Variants in PTPN14 observed in about 807,000 individuals in gnomAD.
PTPN14 encodes the protein tyrosine-protein phosphatase non-receptor type 14.
A neutral mutation model predicts 126.8 loss-of-function variants in PTPN14; 53 were observed. The ratio of observed to expected loss-of-function variants is 0.42; its 90% confidence interval spans 0.34 to 0.53. The LOEUF (loss-of-function observed/expected upper bound fraction) is 0.53. Ranked by LOEUF, PTPN14 falls within the 20% of genes least tolerant of loss-of-function variation. The pLI, the probability that PTPN14 is intolerant of heterozygous loss-of-function variation, is 0.08. For synonymous variants in PTPN14, 630 were observed against 599.3 expected (o/e 1.05, Z -0.75); for missense variants, 1,257 against 1,552.9 (o/e 0.81, Z 3.20).
intron 2 of PTPN14, among the ~76,000 whole-genome samples, chr1:214,459,973 C>T (rs1289760986): frequency 1.3e-5 from 2 of 152,190 alleles, no homozygotes; most frequent in Admixed American, 1.3e-4. Context: ...TCTTTTACTA[C>T]AGAATTGAGG....
At chr1:214,431,016 T>C (rs557327488) in intron 3 of PTPN14, among the ~76,000 whole-genome samples, 1 of 152,294 alleles carries the variant, frequency 6.6e-6, no homozygotes, top group African/African-American at 2.4e-5. Flanking sequence ...AAAGGAGGCT[T>C]CTAAGGCAAG....
chr1:214,434,724 A>G (rs1469057121), intron 3 of PTPN14, among the ~76,000 whole-genome samples: 3 of 152,054 alleles, frequency 2.0e-5, no homozygotes, highest in East Asian at 1.9e-4. Context: ...AGTGTTGAGG[A>G]CCCAGAGAAA....
At chr1:214,505,299 C>A (rs1283886795) in intron 1 of PTPN14, among the ~76,000 whole-genome samples, 1 of 152,012 alleles carries the variant, frequency 6.6e-6, no homozygotes, top group Non-Finnish European at 1.5e-5. Flanking sequence ...AAAGGGAACA[C>A]CCAGGGAAGC....
At chr1:214,535,400 T>C (rs1655678732) in intron 1 of PTPN14, among the ~76,000 whole-genome samples, 1 of 152,202 alleles carries the variant, frequency 6.6e-6, no homozygotes, top group Non-Finnish European at 1.5e-5. Flanking sequence ...ACCTTTCACA[T>C]GTACGATTTA....
At chr1:214,516,256 T>A (rs1571638538) in intron 1 of PTPN14, among the ~76,000 whole-genome samples, 1 of 152,152 alleles carries the variant, frequency 6.6e-6, no homozygotes, top group South Asian at 2.1e-4. Context: ...ATTGAAGGGG[T>A]AGGAATAATT....
rs1660281643 is a variant in PTPN14, at chr1:214,451,980, T to C, written c.175-6A>G. On this transcript the variant is annotated splice_polypyrimidine_tract_variant and splice_region_variant and intron_variant, in intron 2 of 18. Transcript: ENST00000366956. The stretch of plus-strand genomic sequence containing the variant: ...CAAAGGCCAAAGTAGTGCGTCTAGA[T>C]AAAAGGGTAAAATAGCATCAGTTCA... 4 of 1,611,736 alleles carry C rather than the reference T, an allele frequency of 2.5e-6. No homozygotes were observed. Among genetic ancestry groups the C allele is most frequent in the East Asian group, 2.2e-5 (1 of 44,862 alleles).
rs556849815 is a variant in PTPN14, at chr1:214,513,428, G to A, written c.-155+37755C>T. Among the ~76,000 whole-genome samples, 4 of 145,560 alleles carry A rather than the reference G, an allele frequency of 2.7e-5. No individual in the cohort carries two copies. The South Asian group carries it at 8.6e-4, about 31-fold the overall frequency. On this transcript the variant is annotated intron_variant, in intron 1 of 18. Coordinates refer to ENST00000366956, the MANE Select transcript of PTPN14 (RefSeq NM_005401.5). Reference sequence around the variant, plus strand: ...TCAAAATATCTCACATAAAAATACTGATTTCCATTAGTTCTTCAAAAAAAA... The same window carrying A: ...TCAAAATATCTCACATAAAAATACTAATTTCCATTAGTTCTTCAAAAAAAA...
intron 3 of PTPN14, among the ~76,000 whole-genome samples, chr1:214,438,662 C>A (rs7529722): frequency 0.059 from 8,942 of 152,064 alleles, 310 homozygotes; most frequent in South Asian, 0.15. Context: ...ATGTACGAAG[C>A]CTCACAGTGG....
In PTPN14 at chr1:214,431,080, G is replaced by C. The variant is rs1240049012; in HGVS notation, c.345-16354C>G. ...AGTACTGCAAAGAGCAGAGGAAGAA[G>C]TGAGAAACCCAGGGTGTCCAGAGAC... On this transcript the variant is annotated intron_variant, in intron 3 of 18. Transcript: ENST00000366956. 2.0e-5 allele frequency among the ~76,000 whole-genome samples: 3 copies of C among 152,216 alleles called. No homozygotes were observed. The East Asian group carries it at 5.8e-4, about 29-fold the overall frequency.
intron 11 of PTPN14, 108 bp downstream of exon 11, chr1:214,390,880 C>A (rs1658733936): frequency 2.1e-6 from 2 of 933,514 alleles, no homozygotes; most frequent in Admixed American, 6.3e-5. Context: ...TCTGTGTTCT[C>A]ACAAAATTTC....
intron 1 of PTPN14, among the ~76,000 whole-genome samples, chr1:214,512,775 T>C (rs988777725): frequency 3.9e-5 from 6 of 152,116 alleles, no homozygotes; most frequent in African/African-American, 1.4e-4. Flanking sequence ...CACTGCAACC[T>C]CTCTCTCCAG....
At chr1:214,373,915 G>A (rs1346569623) in intron 15 of PTPN14, among the ~76,000 whole-genome samples, 6 of 152,160 alleles carry the variant, frequency 3.9e-5, no homozygotes, top group Admixed American at 3.9e-4. Context: ...CTACAGTCAT[G>A]ACATGACTTT....
At chr1:214,425,353 A>T (rs1034775077) in intron 3 of PTPN14, among the ~76,000 whole-genome samples, 2 of 152,038 alleles carry the variant, frequency 1.3e-5, no homozygotes, top group African/African-American at 4.8e-5. Context: ...AATCACCTAC[A>T]CTCTAGGTAT....
intron 1 of PTPN14, among the ~76,000 whole-genome samples, chr1:214,518,046 C>T (rs928599667): frequency 6.6e-6 from 1 of 152,108 alleles, no homozygotes; most frequent in East Asian, 1.9e-4. Flanking sequence ...AGGAACAATG[C>T]GTTGGTATCT....
intron 7 of PTPN14, among the ~76,000 whole-genome samples, chr1:214,401,082 T>A (rs1659004002): frequency 6.6e-6 from 1 of 152,088 alleles, no homozygotes. Flanking sequence ...TGGGCTCAGC[T>A]CTATAAATGA....
chr1:214,378,326 T>C (rs748486427), intron 13 of PTPN14, among the ~76,000 whole-genome samples: 11 of 152,158 alleles, frequency 7.2e-5, no homozygotes, highest in South Asian at 2.1e-4. Flanking sequence ...CTTAGCTAGA[T>C]AGACCAATAA....
chr1:214,412,813 G>A (rs1238043812), intron 4 of PTPN14, among the ~76,000 whole-genome samples: 1 of 152,142 alleles, frequency 6.6e-6, no homozygotes, highest in Non-Finnish European at 1.5e-5. Context: ...CCCACAATAA[G>A]CCTAATGATT....
intron 1 of PTPN14, among the ~76,000 whole-genome samples, chr1:214,469,388 C>A (rs939799642): frequency 2.0e-5 from 3 of 152,256 alleles, no homozygotes; most frequent in East Asian, 1.9e-4. Context: ...GAGCAGGGAG[C>A]AAAATATCCA....
At chr1:214,415,067 C>G (rs771745924) in intron 3 of PTPN14, among the ~76,000 whole-genome samples, 2 of 150,312 alleles carry the variant, frequency 1.3e-5, no homozygotes, top group Admixed American at 6.6e-5. Flanking sequence ...CACGACAACA[C>G]GACTGCCAAA....
Sources: allele counts gnomAD v4.1 joint callset (sites outside exome capture counted in the v4.1 genomes callset), GRCh38; gene constraint gnomAD v4.1.1; transcripts MANE v1.5; gene names NCBI Gene and HGNC (gene_info 2026-07-23, HGNC 2026-07-21).